The following DNAJC1 variants were observed in gnomAD, a reference collection of about 807,000 sequenced individuals.
DNAJC1 encodes the protein DnaJ heat shock protein family (Hsp40) member C1.
Under a neutral mutation model 76.6 loss-of-function variants are expected in DNAJC1, and 58 were observed. That is an observed-to-expected ratio of 0.76 (90% CI 0.61 to 0.94). The LOEUF (loss-of-function observed/expected upper bound fraction) is 0.94. DNAJC1 is among the 40% of genes least tolerant of loss of function. The pLI, the probability that DNAJC1 is intolerant of heterozygous loss-of-function variation, is 0.00. For synonymous variants in DNAJC1, 258 were observed against 267.9 expected (o/e 0.96, Z 0.36); for missense variants, 689 against 677.3 (o/e 1.02, Z -0.19).
chr10:21,946,589 T>C (rs1837509591), intron 1 of DNAJC1, among the ~76,000 whole-genome samples: 1 of 152,094 alleles, frequency 6.6e-6, no homozygotes, highest in South Asian at 2.1e-4. Context: ...TATAACCATT[T>C]GAAAACGGTT....
intron 6 of DNAJC1, among the ~76,000 whole-genome samples, chr10:21,906,718 A>G (rs990349801): frequency 1.3e-5 from 2 of 152,196 alleles, no homozygotes; most frequent in African/African-American, 2.4e-5. Flanking sequence ...TGACATTCAG[A>G]AAATTATTTT....
Position 21,877,301 on chromosome 10 carries a change from T to C in DNAJC1, c.978+4981A>G, listed in dbSNP as rs201774251. Among the ~76,000 whole-genome samples, 36 of 9,792 alleles carry C rather than the reference T, an allele frequency of 3.7e-3. No homozygotes were observed. In the East Asian group the frequency reaches 0.4, roughly 109 times the overall value. 6.4% of individuals were successfully genotyped at this position (9,792 alleles called of 152,430 possible). On this transcript the variant is annotated intron_variant, in intron 8 of 11. Transcript: ENST00000376980. ...AAAACAAAATACATATATATATACA[T>C]ATATATATATATTTGAACATAGAAA...
intron 1 of DNAJC1, among the ~76,000 whole-genome samples, chr10:21,979,303 T>C (rs1490047069): frequency 1.3e-5 from 2 of 152,004 alleles, no homozygotes; most frequent in African/African-American, 2.4e-5. Flanking sequence ...GCAAAGACAT[T>C]TCCTTCATTT....
chr10:21,968,935 T>C (rs1390106057), intron 1 of DNAJC1, among the ~76,000 whole-genome samples: 7 of 152,122 alleles, frequency 4.6e-5, no homozygotes, highest in Non-Finnish European at 8.8e-5. Context: ...AAGAAAATCC[T>C]AGGAGCCTGG....
intron 8 of DNAJC1, among the ~76,000 whole-genome samples, chr10:21,847,707 G>C (rs540149635): frequency 1.3e-5 from 2 of 152,134 alleles, no homozygotes; most frequent in South Asian, 4.2e-4. Context: ...CTTGTGCATG[G>C]CTTATTAAAA....
chr10:21,825,136 T>C (rs1371337745), intron 8 of DNAJC1, among the ~76,000 whole-genome samples: 1 of 152,220 alleles, frequency 6.6e-6, no homozygotes, highest in Non-Finnish European at 1.5e-5. Context: ...TACATTCATA[T>C]TGTTGTACAA....
At chr10:21,801,377 T>C (rs1029300439) in intron 9 of DNAJC1, among the ~76,000 whole-genome samples, 4 of 151,896 alleles carry the variant, frequency 2.6e-5, no homozygotes, top group African/African-American at 4.8e-5. Context: ...AACAAGGATA[T>C]GAAAAAAAGC....
At chr10:21,840,067 A>G (rs1050037652) in intron 8 of DNAJC1, among the ~76,000 whole-genome samples, 1 of 152,120 alleles carries the variant, frequency 6.6e-6, no homozygotes, top group African/African-American at 2.4e-5. Flanking sequence ...CATGCTAAAA[A>G]CTCTCAATAA....
chr10:21,963,655 T>C (rs1163088444), intron 1 of DNAJC1, among the ~76,000 whole-genome samples: 3 of 152,352 alleles, frequency 2.0e-5, no homozygotes, highest in Non-Finnish European at 2.9e-5. Flanking sequence ...TTTCCATATC[T>C]TGACTTCTGA....
Position 21,879,798 on chromosome 10 carries a change from T to C in DNAJC1, c.978+2484A>G, listed in dbSNP as rs141927590. ...CTTTCAACAAGTCATAATCTTTCTA[T>C]TGGTAGAGGGTCTTGCATTCATGTT... On this transcript the variant is annotated intron_variant, in intron 8 of 11. Coordinates refer to ENST00000376980, the MANE Select transcript of DNAJC1 (RefSeq NM_022365.4). 2.1e-3 allele frequency among the ~76,000 whole-genome samples: 321 copies of C among 152,288 alleles called. 4 individuals are homozygous for C. The highest frequency in any genetic ancestry group is 7.3e-3 in the African/African-American group (303 of 41,578).
chr10:21,999,451 CTTTTTTTTTTT>C (rs140026558), intron 1 of DNAJC1, among the ~76,000 whole-genome samples: 5 of 94,032 alleles, frequency 5.3e-5, no homozygotes, highest in Admixed American at 2.9e-4. Context: ...CTTCTTGACT[CTTTTTTTTTTT>C]TTTTTTTTTT....
intron 8 of DNAJC1, among the ~76,000 whole-genome samples, chr10:21,856,354 CATTTT>C (rs1384885857): frequency 2.9e-4 from 44 of 152,142 alleles, no homozygotes; most frequent in Admixed American, 7.9e-4. Flanking sequence ...TATTTTACTA[CATTTT>C]ATTATTGTGT....
intron 8 of DNAJC1, among the ~76,000 whole-genome samples, chr10:21,879,605 C>G (rs547919666): frequency 6.6e-6 from 1 of 152,020 alleles, no homozygotes; most frequent in African/African-American, 2.4e-5. Context: ...GCCTGGGCGA[C>G]AGAGAGAGAC....
chr10:21,783,415 T>TGAAA (rs1268874190), intron 9 of DNAJC1, among the ~76,000 whole-genome samples: 1 of 152,138 alleles, frequency 6.6e-6, no homozygotes, highest in Admixed American at 6.5e-5. Flanking sequence ...CACAAACAAA[T>TGAAA]GAAAGAACAT....
chr10:21,998,760 C>G (rs1017293769), intron 1 of DNAJC1, among the ~76,000 whole-genome samples: 1 of 152,300 alleles, frequency 6.6e-6, no homozygotes, highest in South Asian at 2.1e-4. Context: ...CTTCTGCTGC[C>G]TGAAGGCTGT....
At chr10:21,780,770 T>C (rs982519875) in intron 9 of DNAJC1, among the ~76,000 whole-genome samples, 1 of 152,174 alleles carries the variant, frequency 6.6e-6, no homozygotes, top group Non-Finnish European at 1.5e-5. Context: ...GTAAATGGGC[T>C]AAATGCTCCA....
chr10:21,826,669 AATTTTTCTATATACTATAAC>A (rs1835262617), intron 8 of DNAJC1, among the ~76,000 whole-genome samples: 1 of 151,974 alleles, frequency 6.6e-6, no homozygotes, highest in African/African-American at 2.4e-5. Flanking sequence ...CATTTTTGTA[AATTTTTCTATATACTATAAC>A]GTAATAGTCC....
intron 2 of DNAJC1, among the ~76,000 whole-genome samples, 179 bp from the exon 3 acceptor site, chr10:21,928,731 T>G (rs1429368359): frequency 6.6e-6 from 1 of 152,178 alleles, no homozygotes; most frequent in Non-Finnish European, 1.5e-5. Flanking sequence ...AGATTAAAAA[T>G]GCTTGATATC....
intron 8 of DNAJC1, among the ~76,000 whole-genome samples, chr10:21,844,474 T>C (rs1448231213): frequency 6.6e-6 from 1 of 152,122 alleles, no homozygotes; most frequent in Non-Finnish European, 1.5e-5. Flanking sequence ...ACATGAATAT[T>C]AAGATTTTTA....
Sources: allele counts gnomAD v4.1 joint callset (sites outside exome capture counted in the v4.1 genomes callset), GRCh38; gene constraint gnomAD v4.1.1; transcripts MANE v1.5; gene names NCBI Gene and HGNC (gene_info 2026-07-23, HGNC 2026-07-21).